The following NAA11 variants were observed in gnomAD, a reference collection of about 807,000 sequenced individuals.
NAA11 encodes the protein N-alpha-acetyltransferase 11.
A neutral mutation model predicts 16.1 loss-of-function variants in NAA11; 15 were observed. The observed-to-expected ratio is 0.93, with a 90% CI of 0.62 to 1.44. The LOEUF is 1.44. Ranked by LOEUF, NAA11 falls within the 40% of genes most tolerant of loss-of-function variation. NAA11 has a pLI of 0.00. For missense variants in NAA11, 298 were observed against 291.3 expected (o/e 1.02, Z -0.17); for synonymous variants, 122 against 112.4 (o/e 1.09, Z -0.54).
chr4:79,207,873 G>A, the NAA11 span, among the ~76,000 whole-genome samples: 1 of 152,032 alleles, frequency 6.6e-6, no homozygotes, highest in South Asian at 2.1e-4. Flanking sequence ...CTTCTATGGG[G>A]TGGATGATAT....
chr4:79,207,422 T>A, the NAA11 span, among the ~76,000 whole-genome samples: 1 of 150,416 alleles, frequency 6.6e-6, no homozygotes, highest in Admixed American at 6.6e-5. Flanking sequence ...TGTTGTGCTT[T>A]GGAAGAAGAG....
the NAA11 span, among the ~76,000 whole-genome samples, chr4:79,200,057 A>C: frequency 4.0e-5 from 6 of 151,762 alleles, no homozygotes; most frequent in African/African-American, 4.8e-5. Context: ...TCAAATATTT[A>C]TTCAAATATT....
At chr4:79,267,754 T>C (rs981028792) in intron 2 of NAA11, among the ~76,000 whole-genome samples, 1 of 152,098 alleles carries the variant, frequency 6.6e-6, no homozygotes, top group African/African-American at 2.4e-5. Context: ...GACTGGGAAA[T>C]GGCATGTGCA....
the NAA11 span, among the ~76,000 whole-genome samples, chr4:79,189,145 C>CAAAAAAAGAAAAAAAAAAAAAAA: frequency 2.4e-5 from 1 of 42,282 alleles, no homozygotes; most frequent in Non-Finnish European, 4.8e-5. Flanking sequence ...GACTCCATCT[C>CAAAAAAAGAAAAAAAAAAAAAAA]AAAAAAAAAA....
At chr4:79,323,714 G>A (rs1004759364) in intron 1 of NAA11, among the ~76,000 whole-genome samples, 2 of 152,152 alleles carry the variant, frequency 1.3e-5, no homozygotes, top group Admixed American at 6.6e-5. Context: ...CCAGCTACTC[G>A]GGAGGCTGAG....
rs1247775341 is a variant in NAA11 at position 79,326,001 on chromosome 4, T to G, written c.-124A>C. 2.5e-6 allele frequency: 2 copies of G among 786,086 alleles called. No individual in the cohort carries two copies. The highest frequency in any genetic ancestry group is 5.4e-5 in the East Asian group (2 of 37,262). The allele number at this position is 786,086 out of a possible 1,614,324, so 48.7% of individuals were successfully genotyped here. A position where few individuals can be genotyped will look rare whatever the true frequency, so the allele number is the denominator to read the frequency against. ...GGGCTAACACCACCGGGCTGAATCG[T>G]GTGGAGGGCGGATGGCGGGAAGGCG... On this transcript the variant is annotated 5_prime_UTR_variant, in exon 1 of 2. Coordinates refer to ENST00000286794, the MANE Select transcript of NAA11 (RefSeq NM_032693.3).
At chr4:79,156,267 A>G in the NAA11 span, among the ~76,000 whole-genome samples, 2 of 152,110 alleles carry the variant, frequency 1.3e-5, no homozygotes, top group African/African-American at 2.4e-5. Flanking sequence ...TTTACAGGGC[A>G]TACTCTATAT....
the NAA11 span, among the ~76,000 whole-genome samples, chr4:79,187,692 A>ACTT: frequency 1.3e-5 from 2 of 152,146 alleles, no homozygotes; most frequent in South Asian, 2.1e-4. Flanking sequence ...AGTTTAGCAA[A>ACTT]CTGAACTTGC....
chr4:79,159,026 G>A, the NAA11 span, among the ~76,000 whole-genome samples: 1 of 152,074 alleles, frequency 6.6e-6, no homozygotes, highest in African/African-American at 2.4e-5. Context: ...CATTGGCTTA[G>A]GCAAAGACTT....
chr4:79,251,516 T>A (rs1321998105), intron 2 of NAA11, among the ~76,000 whole-genome samples: 1 of 152,192 alleles, frequency 6.6e-6, no homozygotes, highest in Non-Finnish European at 1.5e-5. Context: ...CAAAACTTCC[T>A]ACTGGGAACT....
At chr4:79,176,793 G>T in the NAA11 span, among the ~76,000 whole-genome samples, 2 of 152,134 alleles carry the variant, frequency 1.3e-5, no homozygotes, top group Non-Finnish European at 2.9e-5. Flanking sequence ...ATTTACAAAA[G>T]CTCAGAAAAT....
intron 2 of NAA11, chr4:79,227,953 T>C (rs1487861012): frequency 6.6e-6 from 1 of 152,062 alleles, no homozygotes; most frequent in Non-Finnish European, 1.5e-5. Flanking sequence ...AGTCCATCAT[T>C]TGAAGTCCAG....
intron 1 of NAA11, among the ~76,000 whole-genome samples, chr4:79,295,224 G>A (rs1723182213): frequency 6.6e-6 from 1 of 152,182 alleles, no homozygotes; most frequent in Admixed American, 6.5e-5. Context: ...AATAGAAGAG[G>A]TGATGTTGGA....
At chr4:79,282,099 G>C (rs975762918) in intron 2 of NAA11, among the ~76,000 whole-genome samples, 1 of 152,210 alleles carries the variant, frequency 6.6e-6, no homozygotes, top group African/African-American at 2.4e-5. Context: ...TAGGGACAAA[G>C]TGTCCTGGCA....
At chr4:79,182,933 C>A in the NAA11 span, among the ~76,000 whole-genome samples, 1 of 152,090 alleles carries the variant, frequency 6.6e-6, no homozygotes, top group African/African-American at 2.4e-5. Context: ...CTGTTCTAGA[C>A]TCAGGAAACT....
At chr4:79,231,782 A>C (rs2109955921) in intron 2 of NAA11, among the ~76,000 whole-genome samples, 1 of 151,948 alleles carries the variant, frequency 6.6e-6, no homozygotes, top group East Asian at 1.9e-4. Flanking sequence ...ATCCACCACC[A>C]GTTTACAGGA....
the NAA11 span, among the ~76,000 whole-genome samples, chr4:79,213,989 T>A: frequency 1.3e-5 from 2 of 152,226 alleles, no homozygotes; most frequent in Non-Finnish European, 2.9e-5. Context: ...CTGACTCTTA[T>A]ATTTTCAGGA....
At chr4:79,315,472 T>A (rs1367888656), downstream of NAA11, among the ~76,000 whole-genome samples, 1 of 152,190 alleles carries the variant, frequency 6.6e-6, no homozygotes, top group East Asian at 1.9e-4. Context: ...CAAGTTTTCC[T>A]CTTTTAACCA....
At chr4:79,309,558 T>C (rs1023797939) in intron 1 of NAA11, among the ~76,000 whole-genome samples, 8 of 152,160 alleles carry the variant, frequency 5.3e-5, no homozygotes, top group African/African-American at 1.9e-4. Context: ...TGTCCAAGGA[T>C]ATGTTAGGAA....
Sources: allele counts gnomAD v4.1 joint callset (sites outside exome capture counted in the v4.1 genomes callset), GRCh38; gene constraint gnomAD v4.1.1; transcripts MANE v1.5; gene names NCBI Gene and HGNC (gene_info 2026-07-23, HGNC 2026-07-21).